Variants in ZMYM6 observed in about 807,000 individuals in gnomAD.
ZMYM6 encodes the protein zinc finger MYM-type protein 6.
A neutral mutation model predicts 134.0 loss-of-function variants in ZMYM6; 90 were observed. The ratio of observed to expected loss-of-function variants is 0.67; its 90% CI spans 0.57 to 0.80. ZMYM6 has a LOEUF of 0.80. Ranked by LOEUF, ZMYM6 falls within the 30% of genes least tolerant of loss-of-function variation. The pLI is 0.00. For missense variants in ZMYM6, 1,362 were observed against 1,533.9 expected, an observed-to-expected ratio of 0.89 and a Z score of 1.87; for synonymous variants, 481 against 524.1, an observed-to-expected ratio of 0.92 and a Z score of 1.12.
chr1:35,028,778 C>T (rs1260438666), intron 2 of ZMYM6, among the ~76,000 whole-genome samples: 3 of 151,624 alleles, frequency 2.0e-5, no homozygotes, highest in Admixed American at 6.6e-5. Flanking sequence ...GGATTACAGA[C>T]GTGAGCCACT....
Position 34,992,218 on chromosome 1 carries a change from G to A in ZMYM6, c.2146+16C>T, listed in dbSNP as rs148812984. ...GAAAACAAGCTTTGTACATGGGAAC[G>A]CACAAGGATACATACCTGTCTGACA... On this transcript the variant is annotated intron_variant, in intron 15 of 15. Transcript: ENST00000357182. 2,121 of 1,613,506 alleles carry A rather than the reference G, an allele frequency of 1.3e-3. 28 individuals carry two copies. In the African/African-American group the frequency reaches 0.017, roughly 13 times the overall value.
At chr1:35,002,821 T>C (rs1473888665) in intron 14 of ZMYM6, among the ~76,000 whole-genome samples, 1 of 152,118 alleles carries the variant, frequency 6.6e-6, no homozygotes, top group Non-Finnish European at 1.5e-5. Context: ...AACACTTAAA[T>C]GGCATTATTC....
chr1:35,000,297 T>C (rs1192850932), intron 14 of ZMYM6, among the ~76,000 whole-genome samples: 1 of 150,934 alleles, frequency 6.6e-6, no homozygotes, highest in Non-Finnish European at 1.5e-5. Flanking sequence ...TGGAGTGCAG[T>C]GGTGCAATCA....
intron 4 of ZMYM6, chr1:35,018,297 A>C (rs2148457546): frequency 6.6e-6 from 1 of 152,002 alleles, no homozygotes; most frequent in Middle Eastern, 3.4e-3. Flanking sequence ...GTGAGCTGTG[A>C]TCACTCTACC....
intron 14 of ZMYM6, among the ~76,000 whole-genome samples, chr1:34,998,229 G>A (rs1460884203): frequency 6.6e-6 from 1 of 152,190 alleles, no homozygotes; most frequent in Non-Finnish European, 1.5e-5. Context: ...AATGAGCTGA[G>A]ATTGTACCAC....
In ZMYM6 at chr1:35,015,252, G is replaced by A; in HGVS notation, c.429-90C>T. On this transcript the variant is annotated intron_variant, in intron 4 of 15. Coordinates refer to ENST00000357182, the MANE Select transcript of ZMYM6 (RefSeq NM_007167.4). Reference sequence around the variant, plus strand: ...GTGAGGTGAAATAACACTTACTAAGGGCAGGTACTGTATGGTAGAAAAAGG... The same window carrying A: ...GTGAGGTGAAATAACACTTACTAAGAGCAGGTACTGTATGGTAGAAAAAGG... 8 of 1,240,730 alleles carry A rather than the reference G, an allele frequency of 6.4e-6. No individual in the cohort carries two copies. The South Asian group carries it at 7.9e-5, about 12-fold the overall frequency. The allele number at this position is 1,240,730 out of a possible 1,614,324, so 76.9% of individuals were successfully genotyped here. A position where few individuals can be genotyped will look rare whatever the true frequency, so the allele number is the denominator to read the frequency against.
intron 14 of ZMYM6, among the ~76,000 whole-genome samples, chr1:35,000,348 T>G (rs982789463): frequency 2.0e-5 from 3 of 152,002 alleles, no homozygotes; most frequent in African/African-American, 7.3e-5. Context: ...CAGGTGATTC[T>G]CCCATCTCAG....
chr1:35,005,351 C>A, intron 12 of ZMYM6, 79 bp from the exon 13 acceptor site: 4 of 1,445,638 alleles, frequency 2.8e-6, no homozygotes, highest in Non-Finnish European at 2.8e-6. Flanking sequence ...ACACACAAAA[C>A]CCTGTTTAGT....
chr1:35,006,853 C>T, intron 12 of ZMYM6, 98 bp downstream of exon 12: 1 of 1,131,354 alleles, frequency 8.8e-7, no homozygotes, highest in Non-Finnish European at 1.1e-6. Context: ...CTATTTGAAT[C>T]CAATGAAATT....
At chr1:35,019,000 AAG>A (rs1641255577) in intron 4 of ZMYM6, 1 of 372,062 alleles carries the variant, frequency 2.7e-6, no homozygotes, top group Non-Finnish European at 4.8e-6. Context: ...ATACTATTAA[AAG>A]AGTGATATTA....
chr1:34,993,256 C>T (rs1023426891), intron 14 of ZMYM6, among the ~76,000 whole-genome samples: 1 of 151,944 alleles, frequency 6.6e-6, no homozygotes, highest in Non-Finnish European at 1.5e-5. Flanking sequence ...GGACCACAGG[C>T]GTGCGCCACC....
chr1:34,987,738 T>A lies in ZMYM6; in HGVS notation c.3344A>T (p.Tyr1115Phe). 6.4e-7 allele frequency: 1 copy of A among 1,551,500 alleles called. No individual in the cohort carries two copies. Among genetic ancestry groups the A allele is most frequent in the Non-Finnish European group, 8.7e-7 (1 of 1,146,954 alleles). ...HDEEWVGKLA[Y>F]LSDIFSLINE... ...TATAAGTGAAAATATATCTGATAAG[T>A]AGGCCAGCTTTCCAACCCATTCCTC... Residue 1115 changes from tyrosine (Y) to phenylalanine (F), a missense_variant, in exon 16 of 16, where the codon TAC becomes TTC. Tyr to Phe is a conservative substitution (Grantham distance 22). Coordinates refer to ENST00000357182, the MANE Select transcript of ZMYM6 (RefSeq NM_007167.4).
chr1:34,999,799 G>C (rs1419254412), intron 14 of ZMYM6, among the ~76,000 whole-genome samples: 1 of 152,092 alleles, frequency 6.6e-6, no homozygotes, highest in East Asian at 1.9e-4. Flanking sequence ...CATAACTGTT[G>C]GTAGGGATAA....
At chr1:34,991,377 C>T (rs1280056164) in intron 15 of ZMYM6, among the ~76,000 whole-genome samples, 1 of 152,160 alleles carries the variant, frequency 6.6e-6, no homozygotes, top group African/African-American at 2.4e-5. Flanking sequence ...TTCTGCTTGA[C>T]TTCTACCAAA....
intron 14 of ZMYM6, 25 bp from the exon 15 acceptor site, chr1:34,992,412 C>T (rs1355404498): frequency 8.1e-6 from 13 of 1,604,002 alleles, no homozygotes; most frequent in Admixed American, 1.8e-5. Context: ...ATTCAGAAAC[C>T]AAAGAAAGAT....
chr1:35,008,823 G>A lies in ZMYM6; in HGVS notation c.1594C>T (p.Arg532Ter), dbSNP rs1020502656. Residue 532 changes from arginine (R) to a stop codon, truncating the protein, a stop_gained, in exon 11 of 16, where the codon CGA becomes TGA. Transcript: ENST00000357182. LOFTEE classifies it high-confidence loss of function. ...AACTCTTCTAACTTGCCCTCCAATC[G>A]ATTTTCTACCAAATTTGGGGATGTC... ...SQTSPNLVEN[R>*]LEGKLEEFCC... 3 of 1,613,912 alleles carry A rather than the reference G, an allele frequency of 1.9e-6. No homozygotes were observed. The highest frequency in any genetic ancestry group is 1.3e-5 in the African/African-American group (1 of 74,890).
intron 14 of ZMYM6, among the ~76,000 whole-genome samples, chr1:34,995,172 T>G (rs1021618471): frequency 6.8e-6 from 1 of 146,736 alleles, no homozygotes; most frequent in Non-Finnish European, 1.5e-5. Flanking sequence ...TGTATGTGTG[T>G]ATATATATAT....
At chr1:35,026,865 A>T (rs1244791419) in intron 2 of ZMYM6, among the ~76,000 whole-genome samples, 1 of 152,212 alleles carries the variant, frequency 6.6e-6, no homozygotes, top group Non-Finnish European at 1.5e-5. Flanking sequence ...CAGGTCAATA[A>T]GACCAATTTC....
At chr1:35,020,555 T>A in intron 2 of ZMYM6, 88 bp from the exon 3 acceptor site, 35 of 553,080 alleles carry the variant, frequency 6.3e-5, no homozygotes, top group Non-Finnish European at 9.1e-5. Context: ...AATTATTCTA[T>A]CCTATTCATC....
Sources: gnomAD v4.1 joint callset for allele counts (sites outside exome capture counted in the v4.1 genomes callset) on GRCh38, gnomAD v4.1.1 for gene constraint, MANE v1.5 for transcripts, NCBI Gene and HGNC (gene_info 2026-07-23, HGNC 2026-07-21) for gene names.